The following SMARCC1 variants were observed in gnomAD, a reference collection of about 807,000 sequenced individuals.
SMARCC1 encodes SWI/SNF related BAF chromatin remodeling complex subunit C1.
Under a neutral mutation model 147.4 loss-of-function variants are expected in SMARCC1, and 43 were observed. That is an observed-to-expected ratio of 0.29 (90% CI 0.23 to 0.38). The LOEUF (loss-of-function observed/expected upper bound fraction) is 0.38. SMARCC1 is among the 10% of genes least tolerant of loss of function. The probability of loss-of-function intolerance (pLI) is 1.00; values close to 1 mark genes in which losing one functional copy is unlikely to be tolerated. For synonymous variants in SMARCC1, 495 were observed against 484.4 expected (o/e 1.02, Z -0.29); for missense variants, 1,119 against 1,381.1 (o/e 0.81, Z 3.01).
intron 13 of SMARCC1, among the ~76,000 whole-genome samples, chr3:47,688,752 T>G (rs1432533110): frequency 6.6e-6 from 1 of 152,174 alleles, no homozygotes; most frequent in African/African-American, 2.4e-5. Context: ...AGACAACACA[T>G]GGCCCCTGCT....
At chr3:47,595,421 G>C (rs2032257884) in intron 26 of SMARCC1, among the ~76,000 whole-genome samples, 1 of 151,928 alleles carries the variant, frequency 6.6e-6, no homozygotes, top group Non-Finnish European at 1.5e-5. Flanking sequence ...CAGCTACTCG[G>C]GAGGCTGAGG....
intron 2 of SMARCC1, among the ~76,000 whole-genome samples, chr3:47,757,195 G>A (rs1014790487): frequency 5.3e-5 from 8 of 152,156 alleles, no homozygotes; most frequent in African/African-American, 1.9e-4. Context: ...AGGCCGCAGT[G>A]AGCTATGATC....
intron 21 of SMARCC1, among the ~76,000 whole-genome samples, chr3:47,653,276 A>G (rs986181868): frequency 6.6e-6 from 1 of 152,156 alleles, no homozygotes. Flanking sequence ...TCATTTCACC[A>G]TATACATCAT....
chr3:47,711,419 C>T (rs964407976), intron 8 of SMARCC1, among the ~76,000 whole-genome samples: 5 of 152,154 alleles, frequency 3.3e-5, no homozygotes, highest in Admixed American at 2.0e-4. Context: ...AACCACAGGC[C>T]TAACCCATAT....
At position 47,745,956 on chromosome 3, in the gene SMARCC1, A is replaced by G. The variant is rs981819603; in HGVS notation, c.353T>C (p.Leu118Ser). 6.3e-7 allele frequency: 1 copy of G among 1,589,074 alleles called. No individual in the cohort carries two copies. Among genetic ancestry groups the G allele is most frequent in the Non-Finnish European group, 8.5e-7 (1 of 1,172,008 alleles). ...GTAAGCAGCCCCAAGAATGTGACATAAGGCGCCTCCAGCTTTGAAATCCAT... is the reference window on the plus strand; with the variant it reads ...GTAAGCAGCCCCAAGAATGTGACATGAGGCGCCTCCAGCTTTGAAATCCAT... ...CFMDFKAGGA[L>S]CHILGAAYKY... Residue 118 changes from leucine (L) to serine (S), a missense_variant, in exon 3 of 28, where the codon TTA becomes TCA. Physicochemically the swap from Leu to Ser is moderately radical, Grantham distance 145. Transcript: ENST00000254480.
At chr3:47,596,296 G>A (rs541041094) in intron 26 of SMARCC1, among the ~76,000 whole-genome samples, 223 of 152,160 alleles carry the variant, frequency 1.5e-3, no homozygotes, top group African/African-American at 4.9e-3. Context: ...TTGGCTGGGC[G>A]TGGTGGCTCA....
chr3:47,648,527 C>T (rs2033148266), intron 21 of SMARCC1, among the ~76,000 whole-genome samples: 2 of 152,094 alleles, frequency 1.3e-5, no homozygotes, highest in African/African-American at 4.8e-5. Context: ...GCTGGGACAA[C>T]AAGTGTGTGT....
chr3:47,726,594 A>G (rs1033298499), intron 6 of SMARCC1, among the ~76,000 whole-genome samples: 5 of 152,204 alleles, frequency 3.3e-5, no homozygotes, highest in Non-Finnish European at 5.9e-5. Context: ...GTACATTATG[A>G]AACTAAAACC....
In SMARCC1 at chr3:47,586,892, G is replaced by A. The variant is rs1452517063; in HGVS notation, c.*1317C>T. On this transcript the variant is annotated 3_prime_UTR_variant, in exon 28 of 28. Coordinates refer to ENST00000254480, the MANE Select transcript of SMARCC1 (RefSeq NM_003074.4). ...AGGGGTAAATACGAGCTCAAATTAA[G>A]GCATTTTTGTGGCTTGTCCTCTGGA... is the stretch of plus-strand genomic sequence containing the variant. The A allele has an allele frequency of 1.3e-5, 2 of 152,512 alleles. No individual in the cohort carries two copies. The highest frequency in any genetic ancestry group is 2.9e-5 in the Non-Finnish European group (2 of 68,028). 9.4% of individuals were successfully genotyped at this position (152,512 alleles called of 1,614,324 possible). A position where few individuals can be genotyped will look rare whatever the true frequency, so the allele number is the denominator to read the frequency against.
chr3:47,650,103 T>C (rs1057000224), intron 21 of SMARCC1, among the ~76,000 whole-genome samples: 12 of 151,508 alleles, frequency 7.9e-5, no homozygotes, highest in African/African-American at 1.9e-4. Context: ...GGTGAAGCCC[T>C]GTCTCTACTA....
chr3:47,613,387 T>C (rs994299585), intron 25 of SMARCC1, among the ~76,000 whole-genome samples: 13 of 146,206 alleles, frequency 8.9e-5, no homozygotes, highest in Admixed American at 1.4e-4. Context: ...ACTTTTCTCT[T>C]TTTTTTTTTT....
At chr3:47,756,603 A>T (rs1425906499) in intron 2 of SMARCC1, among the ~76,000 whole-genome samples, 1 of 151,936 alleles carries the variant, frequency 6.6e-6, no homozygotes, top group East Asian at 1.9e-4. Context: ...ACACAGAAAA[A>T]TTTTACTAAA....
intron 7 of SMARCC1, among the ~76,000 whole-genome samples, chr3:47,716,465 G>T (rs972603433): frequency 6.1e-5 from 9 of 147,594 alleles, no homozygotes; most frequent in Non-Finnish European, 7.5e-5. Flanking sequence ...TTCCAGTCTT[G>T]ATTAGAAATT....
At chr3:47,775,205 G>A (rs1015904175) in intron 1 of SMARCC1, among the ~76,000 whole-genome samples, 3 of 149,096 alleles carry the variant, frequency 2.0e-5, no homozygotes, top group Admixed American at 6.7e-5. Context: ...CTGTTGCCCA[G>A]GCTGGAGTGC....
At chr3:47,606,007 A>C (rs973302878) in intron 26 of SMARCC1, among the ~76,000 whole-genome samples, 5 of 152,042 alleles carry the variant, frequency 3.3e-5, no homozygotes, top group East Asian at 1.9e-4. Flanking sequence ...AAAAAAAAAA[A>C]AACTCAGCTG....
At chr3:47,704,736 A>G (rs376842208) in intron 10 of SMARCC1, among the ~76,000 whole-genome samples, 101 of 151,916 alleles carry the variant, frequency 6.6e-4, no homozygotes, top group African/African-American at 2.3e-3. Context: ...GGGTAACAAG[A>G]CAAGACACTA....
At chr3:47,718,998 C>T (rs754987345) in intron 7 of SMARCC1, among the ~76,000 whole-genome samples, 112 of 152,126 alleles carry the variant, frequency 7.4e-4, no homozygotes, top group Non-Finnish European at 1.4e-3. Flanking sequence ...CGGCAAGCTC[C>T]GCCCCCGGGG....
intron 24 of SMARCC1, among the ~76,000 whole-genome samples, chr3:47,632,208 A>G (rs1458765340): frequency 6.6e-6 from 1 of 152,192 alleles, no homozygotes; most frequent in Admixed American, 6.5e-5. Context: ...GATAATCAGT[A>G]GTGTATACCA....
chr3:47,727,077 G>A lies in SMARCC1; in HGVS notation c.646+1948C>T, dbSNP rs981008191. On this transcript the variant is annotated intron_variant, in intron 6 of 27. Transcript: ENST00000254480. ...ATACAAAAAAAATTAGCTGGGTGTG[G>A]TGGTGCACTCCTGTAGTCCCAGCTA... Among the ~76,000 whole-genome samples, 8 of 151,954 alleles carry A rather than the reference G, an allele frequency of 5.3e-5. No homozygotes were observed. The East Asian group carries it at 1.3e-3, about 26-fold the overall frequency.
Sources: allele counts gnomAD v4.1 joint callset (sites outside exome capture counted in the v4.1 genomes callset), GRCh38; gene constraint gnomAD v4.1.1; transcripts MANE v1.5; gene names NCBI Gene and HGNC (gene_info 2026-07-23, HGNC 2026-07-21).